Variants in HDAC9 observed in about 807,000 individuals in gnomAD.
HDAC9 encodes the protein MEF-2 interacting transcription repressor (MITR) protein.
HDAC9 carries 41 observed loss-of-function variants against 139.4 expected under a neutral mutation model. The ratio of observed to expected loss-of-function variants is 0.29; its 90% CI spans 0.23 to 0.38. HDAC9 has a LOEUF of 0.38. Among genes scored for constraint, HDAC9 ranks in the 10% least tolerant of loss-of-function variants. The pLI, the probability that HDAC9 is intolerant of heterozygous loss-of-function variation, is 1.00. For missense variants in HDAC9, 1,147 were observed against 1,297.0 expected (o/e 0.88, Z 1.78); for synonymous variants, 517 against 476.2 (o/e 1.09, Z -1.12).
chr7:18,748,462 A>C (rs1244201784), intron 13 of HDAC9, among the ~76,000 whole-genome samples: 1 of 152,204 alleles, frequency 6.6e-6, no homozygotes, highest in African/African-American at 2.4e-5. Flanking sequence ...CAAATAAACA[A>C]AGAAACTGTT....
At chr7:18,967,530 T>C (rs1239250538) in intron 24 of HDAC9, among the ~76,000 whole-genome samples, 2 of 135,692 alleles carry the variant, frequency 1.5e-5, no homozygotes, top group Non-Finnish European at 3.1e-5. Flanking sequence ...CAGGGTGTTA[T>C]TGTGAAAGCT....
chr7:18,869,311 G>A (rs571913007), intron 21 of HDAC9, among the ~76,000 whole-genome samples: 1 of 151,986 alleles, frequency 6.6e-6, no homozygotes, highest in Non-Finnish European at 1.5e-5. Context: ...ATTGGATCAT[G>A]GGGGTGGTTT....
At chr7:18,301,952 A>G (rs1037654108) in intron 1 of HDAC9, among the ~76,000 whole-genome samples, 3 of 152,244 alleles carry the variant, frequency 2.0e-5, no homozygotes, top group Non-Finnish European at 2.9e-5. Context: ...TTTTGTGCAT[A>G]TGCATTTGAC....
At chr7:18,375,778 G>A (rs891926395) in intron 1 of HDAC9, among the ~76,000 whole-genome samples, 3 of 152,190 alleles carry the variant, frequency 2.0e-5, no homozygotes, top group African/African-American at 7.2e-5. Flanking sequence ...CTGAATCCTA[G>A]CTGGCCCTAA....
chr7:18,206,939 T>G (rs936745897), intron 2 of HDAC9, among the ~76,000 whole-genome samples: 33 of 151,462 alleles, frequency 2.2e-4, no homozygotes, highest in Non-Finnish European at 3.4e-4. Context: ...TCTTTTTTTT[T>G]TTTTTTTGTC....
chr7:18,528,961 T>C (rs572219555), intron 2 of HDAC9, among the ~76,000 whole-genome samples: 1 of 152,300 alleles, frequency 6.6e-6, no homozygotes, highest in South Asian at 2.1e-4. Context: ...ATCAGAGTTT[T>C]TCTGGGGTAT....
At chr7:18,355,963 C>T (rs1174146790) in intron 1 of HDAC9, among the ~76,000 whole-genome samples, 2 of 152,018 alleles carry the variant, frequency 1.3e-5, no homozygotes, top group East Asian at 1.9e-4. Flanking sequence ...TTACTGCAAG[C>T]GATTGAAATG....
intron 2 of HDAC9, among the ~76,000 whole-genome samples, chr7:18,273,960 T>C (rs1796551987): frequency 6.6e-6 from 1 of 152,162 alleles, no homozygotes; most frequent in African/African-American, 2.4e-5. Flanking sequence ...TACGGAGCAG[T>C]AGGAAATTTC....
At position 18,874,527 on chromosome 7, in the gene HDAC9, G is replaced by A. The variant is rs559636336; in HGVS notation, c.2734G>A (p.Val912Ile). 8 of 1,594,902 alleles carry A rather than the reference G, an allele frequency of 5.0e-6. No homozygotes were observed. In the South Asian group the frequency reaches 6.8e-5, roughly 14 times the overall value. Reference protein sequence around the residue: ...AKEFDPDMVLVSAGFDALEGH... With the variant: ...AKEFDPDMVLISAGFDALEGH... The stretch of plus-strand genomic sequence containing the variant: ...AGAGTTTGATCCAGACATGGTCTTA[G>A]TATCTGCTGGATTTGATGCATTGGA... Residue 912 changes from valine (V) to isoleucine (I), a missense_variant, in exon 22 of 26, where the codon GTA (valine) becomes ATA (isoleucine). Val to Ile is a conservative substitution (Grantham distance 29). Transcript: ENST00000686413.
chr7:18,485,705 T>A (rs553955642), intron 1 of HDAC9, among the ~76,000 whole-genome samples: 7 of 152,206 alleles, frequency 4.6e-5, no homozygotes, highest in African/African-American at 1.4e-4. Context: ...TTATATTTAC[T>A]GTTTCTAAAT....
intron 1 of HDAC9, among the ~76,000 whole-genome samples, chr7:18,489,244 T>G (rs187519401): frequency 2.5e-3 from 378 of 152,140 alleles, no homozygotes; most frequent in Middle Eastern, 0.021. Flanking sequence ...GCATGAAACT[T>G]TTTATAACTC....
intron 1 of HDAC9, among the ~76,000 whole-genome samples, chr7:18,109,072 C>G (rs527327961): frequency 3.3e-5 from 5 of 152,062 alleles, no homozygotes; most frequent in Non-Finnish European, 5.9e-5. Context: ...TTATTTTTAG[C>G]CAGTTGGCAG....
intron 2 of HDAC9, among the ~76,000 whole-genome samples, chr7:18,205,565 C>A (rs977459372): frequency 6.6e-6 from 1 of 151,996 alleles, no homozygotes; most frequent in African/African-American, 2.4e-5. Context: ...TATATTTTTA[C>A]CTTTTTCCCC....
intron 22 of HDAC9, among the ~76,000 whole-genome samples, chr7:18,885,072 A>C (rs1384340604): frequency 1.3e-5 from 2 of 152,234 alleles, no homozygotes; most frequent in Non-Finnish European, 2.9e-5. Context: ...ATACGTTGGG[A>C]ATTACAATTT....
intron 11 of HDAC9, among the ~76,000 whole-genome samples, chr7:18,659,759 C>T (rs932263786): frequency 2.4e-4 from 36 of 152,124 alleles, no homozygotes; most frequent in African/African-American, 7.2e-4. Flanking sequence ...GAGTGGCACA[C>T]GGTGTGTTTT....
At chr7:18,521,568 T>C (rs1187477383) in intron 2 of HDAC9, among the ~76,000 whole-genome samples, 15 of 152,174 alleles carry the variant, frequency 9.9e-5, no homozygotes, top group Admixed American at 9.2e-4. Flanking sequence ...TTTTTCACCA[T>C]TAATATGCTA....
rs112529033 is a variant in HDAC9, at chr7:18,501,953, G to C, written c.22+5629G>C. ...ACATTTATCATGTGATAAAGTAGTT[G>C]GGTGGTTAGGCAGCACCAGGTAGTC... On this transcript the variant is annotated intron_variant, in intron 2 of 25. Transcript: ENST00000686413. Among the ~76,000 whole-genome samples the C allele has an allele frequency of 8.2e-3, 1,251 of 152,260 alleles. 19 individuals are homozygous for C. Among genetic ancestry groups the C allele is most frequent in the African/African-American group, 0.029 (1,187 of 41,558 alleles).
intron 2 of HDAC9, among the ~76,000 whole-genome samples, chr7:18,498,332 G>C (rs1797478964): frequency 1.3e-5 from 2 of 151,962 alleles, no homozygotes; most frequent in Admixed American, 6.6e-5. Flanking sequence ...ATGATACCTA[G>C]ATTCCACTCC....
chr7:18,280,724 C>G (rs975290775), intron 2 of HDAC9, among the ~76,000 whole-genome samples: 4 of 150,522 alleles, frequency 2.7e-5, no homozygotes, highest in Admixed American at 2.7e-4. Context: ...GATTGTTCCA[C>G]TGTATTCCAG....
Sources: allele counts gnomAD v4.1 joint callset (sites outside exome capture counted in the v4.1 genomes callset), GRCh38; gene constraint gnomAD v4.1.1; transcripts MANE v1.5; gene names NCBI Gene and HGNC (gene_info 2026-07-23, HGNC 2026-07-21).